NUCB2: variants seen among roughly 807,000 people sequenced by gnomAD.
NUCB2 encodes the protein nucleobindin 2.
In NUCB2, 48 loss-of-function variants were observed where a neutral mutation model predicts 57.9. That is an observed-to-expected ratio of 0.83 (90% confidence interval 0.66 to 1.05). The LOEUF (loss-of-function observed/expected upper bound fraction) is 1.05. Ranked by LOEUF, NUCB2 falls within the 50% of genes least tolerant of loss-of-function variation. NUCB2 has a pLI of 0.00. For missense variants in NUCB2, 442 were observed against 476.2 expected, an observed-to-expected ratio of 0.93 and a Z score of 0.67; for synonymous variants, 139 against 152.1, an observed-to-expected ratio of 0.91 and a Z score of 0.64.
At chr11:17,347,639 A>G (rs955120265) in intron 2 of NUCB2, among the ~76,000 whole-genome samples, 6 of 152,228 alleles carry the variant, frequency 3.9e-5, no homozygotes, top group Non-Finnish European at 7.3e-5. Context: ...TTCAAATTTC[A>G]CCAACTGTCT....
chr11:17,333,328 A>G (rs932202408), downstream of NUCB2: 2 of 152,262 alleles, frequency 1.3e-5, no homozygotes, highest in Middle Eastern at 3.4e-3. Flanking sequence ...TTTACTTCCT[A>G]TAATTGTGAG....
intron 1 of NUCB2, among the ~76,000 whole-genome samples, chr11:17,280,363 A>G (rs531985909): frequency 6.6e-6 from 1 of 152,248 alleles, no homozygotes; most frequent in African/African-American, 2.4e-5. Flanking sequence ...CTGGAGTCCA[A>G]CTCAGCTGGT....
chr11:17,318,484 T>G (rs1949588958), intron 11 of NUCB2, among the ~76,000 whole-genome samples: 1 of 152,226 alleles, frequency 6.6e-6, no homozygotes, highest in African/African-American at 2.4e-5. Flanking sequence ...AAAATGCTGC[T>G]ACAAATACAT....
At chr11:17,319,018 A>G (rs1408132935) in intron 11 of NUCB2, among the ~76,000 whole-genome samples, 1 of 152,220 alleles carries the variant, frequency 6.6e-6, no homozygotes, top group Non-Finnish European at 1.5e-5. Flanking sequence ...AAAGAAAAAA[A>G]AAATTTTTTT....
chr11:17,279,779 ATTTTTTTTTTTTTTTT>A (rs34261908), intron 1 of NUCB2, among the ~76,000 whole-genome samples: 2 of 96,362 alleles, frequency 2.1e-5, no homozygotes, highest in East Asian at 2.8e-4. Flanking sequence ...TTGGCAGAGC[ATTTTTTTTTTTTTTTT>A]TTTTTTTTGA....
At chr11:17,311,163 T>C (rs1393723869) in intron 7 of NUCB2, 30 bp from the exon 8 acceptor site, 1 of 1,550,186 alleles carries the variant, frequency 6.5e-7, no homozygotes. Flanking sequence ...TATATTTTGT[T>C]TTGAGCAATT....
chr11:17,282,251 TATA>T (rs1437669129), intron 1 of NUCB2, among the ~76,000 whole-genome samples: 3 of 105,238 alleles, frequency 2.9e-5, no homozygotes, highest in African/African-American at 1.6e-4. Context: ...TATATATATA[TATA>T]TATATTTTTT....
intron 11 of NUCB2, among the ~76,000 whole-genome samples, chr11:17,324,778 G>GTTTATTTATTTA (rs1256523913): frequency 2.3e-4 from 30 of 129,000 alleles, no homozygotes; most frequent in African/African-American, 9.3e-4. Flanking sequence ...TTGTCTATTT[G>GTTTATTTATTTA]TCTATTTATT....
chr11:17,298,224 T>A (rs1361685719), intron 4 of NUCB2, among the ~76,000 whole-genome samples: 1 of 151,574 alleles, frequency 6.6e-6, no homozygotes, highest in Admixed American at 6.6e-5. Context: ...TACAAAAAAT[T>A]AAAATTTAAA....
rs998400393 is a variant in NUCB2 at position 17,345,231 on chromosome 11, T to A, written n.2627-4114T>A. Among the ~76,000 whole-genome samples the A allele has an allele frequency of 2.0e-5, 3 of 152,326 alleles. No homozygotes were observed. The South Asian group carries it at 6.2e-4, about 32-fold the overall frequency. On this transcript the variant is annotated intron_variant and non_coding_transcript_variant, in intron 2 of 2. Transcript: ENST00000532240. ...AAACCTATCCATTATTGCTTTTTTT[T>A]AAATAAAGAAAACCAGTGCTGTGTA...
At chr11:17,344,906 G>A (rs1952593691) in intron 2 of NUCB2, among the ~76,000 whole-genome samples, 1 of 152,172 alleles carries the variant, frequency 6.6e-6, no homozygotes, top group Admixed American at 6.5e-5. Context: ...GAAGAGCTCT[G>A]GAGGCTGAAG....
chr11:17,328,246 GTC>G (rs766895551), intron 11 of NUCB2, among the ~76,000 whole-genome samples: 1 of 152,164 alleles, frequency 6.6e-6, no homozygotes, highest in Non-Finnish European at 1.5e-5. Context: ...CAAACAAATG[GTC>G]TCTCTCTCTG....
intron 3 of NUCB2, 76 bp downstream of exon 3, chr11:17,295,543 A>C: frequency 4.5e-6 from 5 of 1,106,540 alleles, no homozygotes; most frequent in Non-Finnish European, 6.7e-6. Flanking sequence ...ATGAGGTGGA[A>C]TGAGGTGAAA....
At chr11:17,336,135 G>T (rs191393753), downstream of NUCB2, among the ~76,000 whole-genome samples, 1,263 of 151,718 alleles carry the variant, frequency 8.3e-3, 14 homozygotes, top group Middle Eastern at 0.014. Flanking sequence ...TAGAGTCAGG[G>T]TTTCACTATG....
chr11:17,318,427 G>A (rs1949583151), intron 11 of NUCB2, among the ~76,000 whole-genome samples: 1 of 151,882 alleles, frequency 6.6e-6, no homozygotes, highest in Non-Finnish European at 1.5e-5. Flanking sequence ...CATTTTTTTA[G>A]GGTTTGACAT....
downstream of NUCB2, among the ~76,000 whole-genome samples, chr11:17,336,963 T>TG (rs1951867462): frequency 6.6e-6 from 1 of 151,834 alleles, no homozygotes; most frequent in Non-Finnish European, 1.5e-5. Flanking sequence ...CTTTTAGAGA[T>TG]GGGGTCTCTC....
At chr11:17,286,108 A>G (rs1788260920) in intron 2 of NUCB2, among the ~76,000 whole-genome samples, 1 of 152,170 alleles carries the variant, frequency 6.6e-6, no homozygotes, top group Non-Finnish European at 1.5e-5. Context: ...ACCATGGCTC[A>G]CTGCAGCCTC....
At chr11:17,345,349 T>C (rs1445984627) in intron 2 of NUCB2, among the ~76,000 whole-genome samples, 1 of 152,250 alleles carries the variant, frequency 6.6e-6, no homozygotes, top group Non-Finnish European at 1.5e-5. Flanking sequence ...TAAAGAGCTT[T>C]TATTTGTTAT....
At chr11:17,331,155 G>A (rs1951354209) in intron 13 of NUCB2, 172 bp downstream of exon 13, 1 of 590,728 alleles carries the variant, frequency 1.7e-6, no homozygotes, top group Non-Finnish European at 2.9e-6. Context: ...GCCTCCAAAA[G>A]TTTTATGTAG....
Sources: gnomAD v4.1 joint callset for allele counts (sites outside exome capture counted in the v4.1 genomes callset) on GRCh38, gnomAD v4.1.1 for gene constraint, MANE v1.5 for transcripts, NCBI Gene and HGNC (gene_info 2026-07-23, HGNC 2026-07-21) for gene names.